The following RANBP2 variants were observed in gnomAD, a reference collection of about 807,000 sequenced individuals.
The protein encoded by RANBP2 is RAN binding protein 2.
RANBP2 carries 57 observed loss-of-function variants against 303.6 expected under a neutral mutation model. The observed-to-expected ratio is 0.19, with a 90% confidence interval of 0.15 to 0.23. The LOEUF (loss-of-function observed/expected upper bound fraction) is 0.23, where lower values mean the gene tolerates loss of function less well. Among genes scored for constraint, RANBP2 ranks in the 10% least tolerant of loss-of-function variants. The pLI, the probability that RANBP2 is intolerant of heterozygous loss-of-function variation, is 1.00. For synonymous variants in RANBP2, 1,167 were observed against 1,301.5 expected (o/e 0.90, Z 2.23); for missense variants, 3,138 against 3,780.8 (o/e 0.83, Z 4.46).
chr2:108,851,269 A>G, the RANBP2 span, among the ~76,000 whole-genome samples: 16 of 151,226 alleles, frequency 1.1e-4, no homozygotes, highest in East Asian at 2.9e-3. Flanking sequence ...AGCTCTCTGA[A>G]CCCATTTCTC....
the RANBP2 span, among the ~76,000 whole-genome samples, chr2:108,900,093 A>G: frequency 6.6e-6 from 1 of 152,248 alleles, no homozygotes; most frequent in African/African-American, 2.4e-5. Flanking sequence ...ATCAAAATGT[A>G]TCACTCAAAA....
At chr2:108,972,689 G>C in the RANBP2 span, among the ~76,000 whole-genome samples, 1 of 152,238 alleles carries the variant, frequency 6.6e-6, no homozygotes, top group Non-Finnish European at 1.5e-5. Flanking sequence ...AACTTGACGT[G>C]ATCATTTGAA....
the RANBP2 span, among the ~76,000 whole-genome samples, chr2:108,796,290 G>A: frequency 6.6e-6 from 1 of 151,614 alleles, no homozygotes; most frequent in Non-Finnish European, 1.5e-5. Context: ...TCCTGACCTC[G>A]TGATCCGCCC....
chr2:109,163,027 GTC>G, the RANBP2 span, among the ~76,000 whole-genome samples: 1 of 151,266 alleles, frequency 6.6e-6, no homozygotes, highest in Non-Finnish European at 1.5e-5. Flanking sequence ...GTCCCCCAAA[GTC>G]TGTATAGTGA....
chr2:109,478,057 T>A, the RANBP2 span, among the ~76,000 whole-genome samples: 1 of 151,960 alleles, frequency 6.6e-6, no homozygotes. Context: ...GGGGAGGAGG[T>A]CCCTGAGTGT....
rs1455946339 is a variant in RANBP2 at position 108,740,482 on chromosome 2, A to G, written c.783-7A>G. The G allele has an allele frequency of 6.3e-7, 1 of 1,597,556 alleles. No homozygotes were observed. Among genetic ancestry groups the G allele is most frequent in the East Asian group, 2.2e-5 (1 of 44,872 alleles). ...TGTATTATCTGTTTGATATTTTCATATTACAGTTTTGATAGTGCTCTTCAG... is the reference window on the plus strand; with the variant it reads ...TGTATTATCTGTTTGATATTTTCATGTTACAGTTTTGATAGTGCTCTTCAG... On this transcript the variant is annotated splice_region_variant and splice_polypyrimidine_tract_variant and intron_variant, in intron 6 of 28. Coordinates refer to ENST00000283195, the MANE Select transcript of RANBP2 (RefSeq NM_006267.5).
the RANBP2 span, among the ~76,000 whole-genome samples, chr2:108,825,282 G>C: frequency 6.6e-6 from 1 of 151,764 alleles, no homozygotes; most frequent in Non-Finnish European, 1.5e-5. Context: ...TTTTTTGTTT[G>C]TTTGTTTGTT....
At chr2:109,669,665 T>C in the RANBP2 span, among the ~76,000 whole-genome samples, 1 of 152,182 alleles carries the variant, frequency 6.6e-6, no homozygotes, top group Non-Finnish European at 1.5e-5. Context: ...AAAATACATC[T>C]AAACCAGAGA....
the RANBP2 span, among the ~76,000 whole-genome samples, chr2:108,856,329 C>G: frequency 1.3e-5 from 2 of 152,106 alleles, no homozygotes; most frequent in African/African-American, 2.4e-5. Context: ...TACTAGGAAA[C>G]AAATCCTTAT....
the RANBP2 span, among the ~76,000 whole-genome samples, chr2:109,317,227 G>A: frequency 6.6e-6 from 1 of 151,938 alleles, no homozygotes; most frequent in Admixed American, 6.6e-5. Flanking sequence ...CCTCCCACCC[G>A]GATGGAATCT....
the RANBP2 span, among the ~76,000 whole-genome samples, chr2:109,100,302 C>A: frequency 6.6e-6 from 1 of 152,176 alleles, no homozygotes; most frequent in Non-Finnish European, 1.5e-5. Context: ...ATCAGCAGGG[C>A]ATTAGATTCT....
the RANBP2 span, chr2:108,896,914 G>A: frequency 2.5e-6 from 4 of 1,611,696 alleles, no homozygotes; most frequent in Non-Finnish European, 3.4e-6. Context: ...TTTTCAGGAT[G>A]CAGCATGTGG....
the RANBP2 span, among the ~76,000 whole-genome samples, chr2:109,065,781 C>T: frequency 7.2e-5 from 11 of 152,216 alleles, no homozygotes; most frequent in African/African-American, 2.7e-4. Flanking sequence ...GAGTGCTGGC[C>T]TCCGCGTCTT....
intron 4 of RANBP2, chr2:108,731,856 T>C: frequency 4.5e-6 from 1 of 222,004 alleles, no homozygotes; most frequent in Non-Finnish European, 9.0e-6. Context: ...ATAACTATTG[T>C]CTGAAAGTAG....
the RANBP2 span, among the ~76,000 whole-genome samples, chr2:109,113,799 G>A: frequency 2.8e-3 from 427 of 152,054 alleles, 3 homozygotes; most frequent in African/African-American, 9.9e-3. Flanking sequence ...ATTCTTTTGA[G>A]ATATGTCCCA....
the RANBP2 span, among the ~76,000 whole-genome samples, chr2:109,342,682 C>A: frequency 1.3e-5 from 2 of 152,172 alleles, no homozygotes; most frequent in Non-Finnish European, 2.9e-5. Flanking sequence ...GCCTGAGAGT[C>A]CCAACCAGGG....
chr2:108,866,039 C>T, the RANBP2 span, among the ~76,000 whole-genome samples: 3 of 152,138 alleles, frequency 2.0e-5, no homozygotes, highest in African/African-American at 7.2e-5. Flanking sequence ...TGCAAGAGGA[C>T]TATGGTAGTA....
At chr2:109,555,396 T>C in the RANBP2 span, among the ~76,000 whole-genome samples, 1 of 152,278 alleles carries the variant, frequency 6.6e-6, no homozygotes, top group East Asian at 1.9e-4. Context: ...TCTACCCCCA[T>C]GCTGTCCTGC....
the RANBP2 span, among the ~76,000 whole-genome samples, chr2:109,321,229 A>G: frequency 2.6e-5 from 4 of 152,230 alleles, no homozygotes; most frequent in African/African-American, 7.2e-5. Flanking sequence ...CAAACCTTAT[A>G]TCCTCGGATT....
Sources: gnomAD v4.1 joint callset for allele counts (sites outside exome capture counted in the v4.1 genomes callset) on GRCh38, gnomAD v4.1.1 for gene constraint, MANE v1.5 for transcripts, NCBI Gene and HGNC (gene_info 2026-07-23, HGNC 2026-07-21) for gene names.